FBN3: variants seen among roughly 807,000 people sequenced by gnomAD.
FBN3 encodes the protein fibrillin 3.
In FBN3, 234 loss-of-function variants were observed where a neutral mutation model predicts 330.1. The observed-to-expected ratio is 0.71, with a 90% CI of 0.64 to 0.79. FBN3 has a LOEUF of 0.79. Ranked by LOEUF, FBN3 falls within the 30% of genes least tolerant of loss-of-function variation. The pLI, the probability that FBN3 is intolerant of heterozygous loss-of-function variation, is 0.00. For missense variants in FBN3, 3,606 were observed against 3,886.9 expected (o/e 0.93, Z 1.92); for synonymous variants, 1,458 against 1,517.3 (o/e 0.96, Z 0.91).
At chr19:8,099,824 A>G (rs979570154) in intron 41 of FBN3, among the ~76,000 whole-genome samples, 2 of 151,774 alleles carry the variant, frequency 1.3e-5, no homozygotes, top group Non-Finnish European at 2.9e-5. Flanking sequence ...CAGCCTGACC[A>G]ACATGGTGAA....
At chr19:8,141,650 G>C (rs1158889664) in intron 8 of FBN3, 67 bp downstream of exon 8, 1 of 1,542,552 alleles carries the variant, frequency 6.5e-7, no homozygotes, top group African/African-American at 1.4e-5. Flanking sequence ...TTCCTGCAGG[G>C]GAGCCTGAGC....
At chr19:8,098,803 C>T (rs1166469593) in intron 41 of FBN3, among the ~76,000 whole-genome samples, 1 of 152,016 alleles carries the variant, frequency 6.6e-6, no homozygotes, top group Non-Finnish European at 1.5e-5. Context: ...TATAAGTGTC[C>T]ATCCAAAGGG....
Position 8,096,829 on chromosome 19 carries a change from C to T in FBN3, c.5413+52G>A. On this transcript the variant is annotated intron_variant, in intron 43 of 63. Coordinates refer to ENST00000600128, the MANE Select transcript of FBN3 (RefSeq NM_032447.5). This position sits in a 1 kb window ranked among gnomAD's most constrained non-coding sequence, Gnocchi z 4.6. The stretch of plus-strand genomic sequence containing the variant: ...ACAGAGCCATACCCCATCTAAGTCC[C>T]CATGGGTGACAGAGCCCAGCTCCCT... 1 of 1,598,644 alleles carries T rather than the reference C, an allele frequency of 6.3e-7. No homozygotes were observed. Among genetic ancestry groups the T allele is most frequent in the African/African-American group, 1.3e-5 (1 of 74,862 alleles).
chr19:8,103,013 T>C lies in FBN3; in HGVS notation c.4940-140A>G, dbSNP rs543832307. 11 of 881,544 alleles carry C rather than the reference T, an allele frequency of 1.2e-5. No homozygotes were observed. The East Asian group carries it at 2.3e-4, about 19-fold the overall frequency. 54.6% of individuals were successfully genotyped at this position (881,544 alleles called of 1,614,324 possible). On this transcript the variant is annotated intron_variant, in intron 39 of 63. Transcript: ENST00000600128. ...CAGGCACAGTGGCTCATGCCTGTAA[T>C]CCCAGCACTTTGGGAGGCGGAGGCG... is the stretch of plus-strand genomic sequence containing the variant.
chr19:8,142,224 T>C lies in FBN3; in HGVS notation c.542-87A>G, dbSNP rs1386281975. On this transcript the variant is annotated intron_variant, in intron 6 of 63. Coordinates refer to ENST00000600128, the MANE Select transcript of FBN3 (RefSeq NM_032447.5). Reference sequence around the variant, plus strand: ...TCTCTAACACCTTCTCAGCGGCCCCTGCACCCACAGACCAGGCTTTACTTA... The same window carrying C: ...TCTCTAACACCTTCTCAGCGGCCCCCGCACCCACAGACCAGGCTTTACTTA... 5 of 1,050,304 alleles carry C rather than the reference T, an allele frequency of 4.8e-6. No individual in the cohort carries two copies. In the East Asian group the frequency reaches 1.0e-4, roughly 22 times the overall value. The allele number at this position is 1,050,304 out of a possible 1,614,324, so 65.1% of individuals were successfully genotyped here. A position where few individuals can be genotyped will look rare whatever the true frequency, so the allele number is the denominator to read the frequency against.
intron 59 of FBN3, 104 bp from the exon 60 acceptor site, chr19:8,075,515 A>G: frequency 8.3e-7 from 1 of 1,199,440 alleles, no homozygotes; most frequent in Non-Finnish European, 1.2e-6. Flanking sequence ...CAAGTTGCTC[A>G]CCCTCTCTGT....
chr19:8,126,682 T>C, intron 19 of FBN3, 31 bp downstream of exon 19: 1 of 1,584,160 alleles, frequency 6.3e-7, no homozygotes, highest in Non-Finnish European at 8.6e-7. Flanking sequence ...GCCCAGCCTC[T>C]GGAACGCCGT....
intron 24 of FBN3, among the ~76,000 whole-genome samples, chr19:8,123,114 G>A (rs936029855): frequency 3.3e-5 from 5 of 151,902 alleles, no homozygotes; most frequent in African/African-American, 1.2e-4. Flanking sequence ...AGCACTTTGG[G>A]AGGCCGAGGT....
At chr19:8,113,643 A>G (rs1367121382) in intron 30 of FBN3, among the ~76,000 whole-genome samples, 1 of 151,960 alleles carries the variant, frequency 6.6e-6, no homozygotes, top group Admixed American at 6.6e-5. Flanking sequence ...AAGGCTATGA[A>G]CTAGTTCATG....
At chr19:8,114,685 A>T (rs1417277282) in intron 30 of FBN3, among the ~76,000 whole-genome samples, 1 of 151,998 alleles carries the variant, frequency 6.6e-6, no homozygotes, top group East Asian at 1.9e-4. Flanking sequence ...TTGGCCTCCC[A>T]AAGTGCTGGG....
At chr19:8,072,615 G>A (rs2081540758) in intron 62 of FBN3, among the ~76,000 whole-genome samples, 1 of 152,004 alleles carries the variant, frequency 6.6e-6, no homozygotes. Context: ...ACAGATGGCT[G>A]ACGCGTGCTT....
chr19:8,141,908 G>A, intron 7 of FBN3, 32 bp downstream of exon 7: 1 of 1,612,976 alleles, frequency 6.2e-7, no homozygotes, highest in Non-Finnish European at 8.5e-7. Flanking sequence ...GGCAGCTAAG[G>A]CCTCCCACTC....
chr19:8,074,656 C>A, intron 61 of FBN3: 1 of 159,076 alleles, frequency 6.3e-6, no homozygotes, highest in Admixed American at 6.4e-5. Context: ...AGGCTAGCCC[C>A]CCAAATGGAG....
At chr19:8,078,697 G>C (rs975499183) in intron 59 of FBN3, among the ~76,000 whole-genome samples, 13 of 151,812 alleles carry the variant, frequency 8.6e-5, no homozygotes, top group Non-Finnish European at 1.6e-4. Flanking sequence ...TTACAGGTGT[G>C]AGCCATTATG....
At chr19:8,112,375 G>A (rs1165777440) in intron 30 of FBN3, among the ~76,000 whole-genome samples, 3 of 152,254 alleles carry the variant, frequency 2.0e-5, no homozygotes, top group African/African-American at 7.2e-5. Context: ...AGCCGGGTGC[G>A]GTGGCTCACG....
rs755536126 is a variant in FBN3, at chr19:8,066,201, G to A, written c.8148C>T (p.His2716=). The A allele has an allele frequency of 8.1e-6, 13 of 1,607,610 alleles. No individual in the cohort carries two copies. In the Admixed American group the frequency reaches 1.7e-4, roughly 21 times the overall value. ...ALLTLGLNLS[H]LGRAERILEL... Reference sequence around the variant, plus strand: ...CCAGGATGCGCTCGGCCCGGCCCAGGTGTGAGAGGTTCAGGCCCAAGGTCA... The same window carrying A: ...CCAGGATGCGCTCGGCCCGGCCCAGATGTGAGAGGTTCAGGCCCAAGGTCA... Residue 2716 remains histidine (H), a synonymous_variant, in exon 64 of 64, where the codon CAC becomes CAT. Coordinates refer to ENST00000600128, the MANE Select transcript of FBN3 (RefSeq NM_032447.5).
chr19:8,103,228 C>A (rs2082365536), intron 39 of FBN3, among the ~76,000 whole-genome samples: 1 of 143,626 alleles, frequency 7.0e-6, no homozygotes, highest in Non-Finnish European at 1.5e-5. Context: ...GATTGTGCCA[C>A]TGCACTCCAG....
At chr19:8,145,680 CAAA>C (rs56250248) in intron 5 of FBN3, among the ~76,000 whole-genome samples, 160 bp downstream of exon 5, 19,429 of 108,646 alleles carry the variant, frequency 0.18, 1,602 homozygotes, top group South Asian at 0.43. Flanking sequence ...GACTCTGTCT[CAAA>C]AAAAAAAAAA....
rs369178288 is a variant in FBN3, at chr19:8,090,280, T to C, written c.6032-29A>G. 17 of 1,612,046 alleles carry C rather than the reference T, an allele frequency of 1.1e-5. No individual in the cohort carries two copies. In the African/African-American group the frequency reaches 2.0e-4, roughly 19 times the overall value. On this transcript the variant is annotated intron_variant, in intron 48 of 63. Transcript: ENST00000600128. Reference sequence around the variant, plus strand: ...TGGGGTGGGGGCTCCATTACCCTGATTGAAAGCCGCTGGCAGTGCCCACCT... The same window carrying C: ...TGGGGTGGGGGCTCCATTACCCTGACTGAAAGCCGCTGGCAGTGCCCACCT...
Sources: gnomAD v4.1 joint callset for allele counts (sites outside exome capture counted in the v4.1 genomes callset) on GRCh38, gnomAD v4.1.1 for gene constraint, Gnocchi (gnomAD v3.1) non-coding constraint, MANE v1.5 for transcripts, NCBI Gene and HGNC (gene_info 2026-07-23, HGNC 2026-07-21) for gene names.